Variants in EPHA6 observed in about 807,000 individuals in gnomAD.
EPHA6 encodes EPH receptor A6.
EPHA6 carries 50 observed loss-of-function variants against 112.0 expected under a neutral mutation model. The ratio of observed to expected loss-of-function variants is 0.45; its 90% CI spans 0.36 to 0.56. The LOEUF (loss-of-function observed/expected upper bound fraction) is 0.56. Among genes scored for constraint, EPHA6 ranks in the 20% least tolerant of loss-of-function variants. EPHA6 has a pLI of 0.00. For missense variants in EPHA6, 1,280 were observed against 1,417.4 expected, an observed-to-expected ratio of 0.90 and a Z score of 1.56; for synonymous variants, 529 against 490.7, an observed-to-expected ratio of 1.08 and a Z score of -1.03.
chr3:97,139,455 TC>T (rs2075843350), intron 3 of EPHA6, among the ~76,000 whole-genome samples: 1 of 151,984 alleles, frequency 6.6e-6, no homozygotes, highest in African/African-American at 2.4e-5. Context: ...AAGAAAAGCC[TC>T]CCAAGACCTT....
At chr3:97,234,898 C>T (rs1232948740) in intron 4 of EPHA6, among the ~76,000 whole-genome samples, 1 of 152,018 alleles carries the variant, frequency 6.6e-6, no homozygotes, top group Non-Finnish European at 1.5e-5. Flanking sequence ...CCTGTATGTC[C>T]TATGGAAACC....
In EPHA6 at chr3:96,987,848, G is replaced by T. The variant is rs746014716; in HGVS notation, c.969G>T (p.Leu323Phe). 2 of 1,613,850 alleles carry T rather than the reference G, an allele frequency of 1.2e-6. No individual in the cohort carries two copies. The highest frequency in any genetic ancestry group is 1.7e-5 in the Admixed American group (1 of 59,986). Residue 323 changes from leucine (L) to phenylalanine (F), a missense_variant, in exon 3 of 18, where the codon TTG becomes TTT. Physicochemically the swap from Leu to Phe is conservative, Grantham distance 22 (BLOSUM62 0). Coordinates refer to ENST00000389672, the MANE Select transcript of EPHA6 (RefSeq NM_001080448.3). ...DTIPRVDSSS[L>F]VEVRGSCVKS... ...TTCCAAGGGTTGATTCCTCCTCTTT[G>T]GTTGAAGTACGGGGTTCTTGTGTGA... is the stretch of plus-strand genomic sequence containing the variant.
intron 2 of EPHA6, among the ~76,000 whole-genome samples, chr3:96,964,031 G>T (rs1487380844): frequency 1.3e-5 from 2 of 151,882 alleles, no homozygotes; most frequent in Non-Finnish European, 2.9e-5. Context: ...TTTAATATTT[G>T]TGGGTCCTAA....
intron 6 of EPHA6, among the ~76,000 whole-genome samples, chr3:97,419,401 A>G (rs1299074055): frequency 6.6e-6 from 1 of 152,172 alleles, no homozygotes; most frequent in African/African-American, 2.4e-5. Context: ...AGGTGGGTGG[A>G]TCACCTGAGG....
At chr3:97,119,835 C>T (rs937970942) in intron 3 of EPHA6, among the ~76,000 whole-genome samples, 6 of 151,972 alleles carry the variant, frequency 3.9e-5, no homozygotes, top group Non-Finnish European at 5.9e-5. Context: ...TTTTTGTACT[C>T]TTCCTCTGCA....
At chr3:97,015,352 A>T (rs1239466221) in intron 3 of EPHA6, among the ~76,000 whole-genome samples, 1 of 152,190 alleles carries the variant, frequency 6.6e-6, no homozygotes, top group African/African-American at 2.4e-5. Context: ...GCAGTAGTGG[A>T]ACTTTACCCC....
chr3:96,820,299 G>C (rs1479582872), intron 1 of EPHA6, among the ~76,000 whole-genome samples: 8 of 152,154 alleles, frequency 5.3e-5, no homozygotes, highest in Admixed American at 6.6e-5. Context: ...GTTTTGACCA[G>C]TTGAGTAAAA....
intron 13 of EPHA6, among the ~76,000 whole-genome samples, chr3:97,621,256 G>A (rs1458662307): frequency 6.6e-6 from 1 of 151,936 alleles, no homozygotes; most frequent in Non-Finnish European, 1.5e-5. Flanking sequence ...CACACACTGG[G>A]GCCTCTCAGA....
intron 14 of EPHA6, among the ~76,000 whole-genome samples, chr3:97,644,240 C>T (rs549945115): frequency 1.1e-4 from 16 of 151,302 alleles, no homozygotes; most frequent in East Asian, 7.8e-4. Context: ...TTGAAACCAA[C>T]GAGAACAAAG....
chr3:97,706,347 A>C (rs2033675185), intron 14 of EPHA6, among the ~76,000 whole-genome samples: 1 of 152,234 alleles, frequency 6.6e-6, no homozygotes, highest in African/African-American at 2.4e-5. Flanking sequence ...CAAAAAAGAA[A>C]TCAAACCAAA....
At chr3:96,973,502 ATC>A (rs1445820895) in intron 2 of EPHA6, among the ~76,000 whole-genome samples, 3 of 152,122 alleles carry the variant, frequency 2.0e-5, no homozygotes, top group African/African-American at 7.2e-5. Flanking sequence ...TTATAAATAA[ATC>A]TGTCATTAAA....
chr3:97,579,294 T>A (rs2093416212), intron 11 of EPHA6, among the ~76,000 whole-genome samples: 1 of 151,462 alleles, frequency 6.6e-6, no homozygotes, highest in African/African-American at 2.4e-5. Flanking sequence ...TGCACTTATT[T>A]TTATATTCCC....
At position 97,359,255 on chromosome 3, in the gene EPHA6, T is replaced by A. The variant is rs185782830; in HGVS notation, c.1607-45895T>A. Among the ~76,000 whole-genome samples the A allele has an allele frequency of 5.2e-3, 795 of 152,166 alleles. 6 individuals are homozygous for A. The highest frequency in any genetic ancestry group is 0.017 in the African/African-American group (722 of 41,548). Reference sequence around the variant, plus strand: ...CACATTTCCTCAACCATTTTTTTCATTTTGTCCCTCAGACTTGATAATTTC... The same window carrying A: ...CACATTTCCTCAACCATTTTTTTCAATTTGTCCCTCAGACTTGATAATTTC... On this transcript the variant is annotated intron_variant, in intron 5 of 17. Coordinates refer to ENST00000389672, the MANE Select transcript of EPHA6 (RefSeq NM_001080448.3).
Position 97,423,556 on chromosome 3 carries a change from T to C in EPHA6, c.1731+18282T>C, listed in dbSNP as rs531532005. Among the ~76,000 whole-genome samples the C allele has an allele frequency of 7.2e-5, 11 of 152,284 alleles. No homozygotes were observed. In the East Asian group the frequency reaches 1.2e-3, roughly 16 times the overall value. ...TGTACAGGATAGAAAGAATTCTTAT[T>C]ATTAAAATTGCCATACTACCCAAAG... On this transcript the variant is annotated intron_variant, in intron 6 of 17. Transcript: ENST00000389672.
At chr3:97,402,799 T>C (rs904479429) in intron 5 of EPHA6, among the ~76,000 whole-genome samples, 1 of 152,172 alleles carries the variant, frequency 6.6e-6, no homozygotes, top group East Asian at 1.9e-4. Flanking sequence ...TTAAATGTAG[T>C]TTCTAAAGAC....
chr3:97,301,554 G>A (rs2081091128), intron 5 of EPHA6, among the ~76,000 whole-genome samples: 1 of 152,084 alleles, frequency 6.6e-6, no homozygotes, highest in Admixed American at 6.6e-5. Context: ...TGTCTATCAT[G>A]TTCAAACAGC....
intron 13 of EPHA6, among the ~76,000 whole-genome samples, chr3:97,637,358 T>G (rs914418393): frequency 1.3e-5 from 2 of 152,200 alleles, no homozygotes; most frequent in Non-Finnish European, 2.9e-5. Flanking sequence ...TTTCCTATAC[T>G]TGTTTCTTGT....
Position 97,163,078 on chromosome 3 carries a change from C to T in EPHA6, c.1115-63186C>T, listed in dbSNP as rs532830866. Among the ~76,000 whole-genome samples, 4 of 152,138 alleles carry T rather than the reference C, an allele frequency of 2.6e-5. No individual in the cohort carries two copies. The East Asian group carries it at 7.7e-4, about 29-fold the overall frequency. ...AGTTTCCACTGTAAGGTCTGGCTTA[C>T]AGATAAGTGAAATCACTCCCCTCAC... On this transcript the variant is annotated intron_variant, in intron 3 of 17. Coordinates refer to ENST00000389672, the MANE Select transcript of EPHA6 (RefSeq NM_001080448.3).
chr3:97,405,129 A>G, intron 5 of EPHA6, 21 bp from the exon 6 acceptor site: 1 of 1,567,016 alleles, frequency 6.4e-7, no homozygotes. Context: ...ATTAATTCTT[A>G]GTTATTTTCT....
Sources: gnomAD v4.1 joint callset for allele counts (sites outside exome capture counted in the v4.1 genomes callset) on GRCh38, gnomAD v4.1.1 for gene constraint, MANE v1.5 for transcripts, NCBI Gene and HGNC (gene_info 2026-07-23, HGNC 2026-07-21) for gene names.